Variants in RBFOX1 observed in about 807,000 individuals in gnomAD.
The protein encoded by RBFOX1 is RNA binding protein fox-1 homolog 1.
RBFOX1 carries 8 observed loss-of-function variants against 57.7 expected under a neutral mutation model. The ratio of observed to expected loss-of-function variants is 0.14; its 90% CI spans 0.08 to 0.25. The LOEUF (loss-of-function observed/expected upper bound fraction) is 0.25, where lower values mean the gene tolerates loss of function less well. RBFOX1 is among the 10% of genes least tolerant of loss of function. The pLI is 1.00. For synonymous variants in RBFOX1, 326 were observed against 222.4 expected (o/e 1.47, Z -4.15); for missense variants, 611 against 548.5 (o/e 1.11, Z -1.14).
chr16:7,185,689 C>T (rs927881510), intron 4 of RBFOX1, among the ~76,000 whole-genome samples: 1 of 152,172 alleles, frequency 6.6e-6, no homozygotes, highest in African/African-American at 2.4e-5. Flanking sequence ...GGTTTATCTT[C>T]AAAGGCACTC....
chr16:5,595,076 G>A (rs191325991), intron 2 of RBFOX1, among the ~76,000 whole-genome samples: 23 of 152,130 alleles, frequency 1.5e-4, no homozygotes, highest in African/African-American at 5.1e-4. Context: ...AACCTGGGAG[G>A]TGGAGGTTGT....
chr16:6,391,381 G>A (rs939835886), intron 2 of RBFOX1, among the ~76,000 whole-genome samples: 4 of 151,956 alleles, frequency 2.6e-5, no homozygotes, highest in East Asian at 1.9e-4. Flanking sequence ...ATGGCGGCGG[G>A]CACCTGTAGT....
At chr16:7,689,247 A>G (rs902410360) in intron 14 of RBFOX1, among the ~76,000 whole-genome samples, 1 of 152,044 alleles carries the variant, frequency 6.6e-6, no homozygotes, top group African/African-American at 2.4e-5. Flanking sequence ...CAATTTGGCC[A>G]TTTCATCATT....
chr16:5,738,861 G>T (rs1167500591), intron 3 of RBFOX1, among the ~76,000 whole-genome samples: 1 of 152,078 alleles, frequency 6.6e-6, no homozygotes, highest in Non-Finnish European at 1.5e-5. Context: ...ACCTTAGCTA[G>T]AGGGGTTTCC....
intron 2 of RBFOX1, among the ~76,000 whole-genome samples, chr16:5,539,979 A>G (rs2044865237): frequency 6.6e-6 from 1 of 152,220 alleles, no homozygotes; most frequent in Non-Finnish European, 1.5e-5. Context: ...TGGAAAAAGT[A>G]CATTTTAGCA....
chr16:7,464,754 T>C (rs193166305), intron 4 of RBFOX1, among the ~76,000 whole-genome samples: 7 of 135,932 alleles, frequency 5.1e-5, no homozygotes, highest in Admixed American at 2.6e-4. Context: ...TGGAGTGCAG[T>C]CGCGTGATCT....
intron 4 of RBFOX1, among the ~76,000 whole-genome samples, chr16:7,192,082 T>C (rs972992975): frequency 6.6e-6 from 1 of 152,102 alleles, no homozygotes; most frequent in Admixed American, 6.6e-5. Flanking sequence ...TACGAGCTGT[T>C]TTCAAAACCA....
At chr16:6,025,698 G>C (rs1171484673) in intron 1 of RBFOX1, among the ~76,000 whole-genome samples, 1 of 152,160 alleles carries the variant, frequency 6.6e-6, no homozygotes, top group Non-Finnish European at 1.5e-5. Flanking sequence ...GGTAATAACA[G>C]ATATTGACAG....
chr16:5,769,508 C>A (rs1256930502), intron 3 of RBFOX1, among the ~76,000 whole-genome samples: 1 of 150,704 alleles, frequency 6.6e-6, no homozygotes, highest in East Asian at 1.9e-4. Flanking sequence ...AAAAAATTAG[C>A]TAGGTATGGT....
chr16:6,096,637 G>T (rs553159485), intron 1 of RBFOX1, among the ~76,000 whole-genome samples: 75 of 152,120 alleles, frequency 4.9e-4, no homozygotes, highest in Non-Finnish European at 9.4e-4. Context: ...CTTTTCATTG[G>T]GTTTGATACA....
At chr16:7,000,961 T>C (rs1196327932) in intron 3 of RBFOX1, among the ~76,000 whole-genome samples, 1 of 152,162 alleles carries the variant, frequency 6.6e-6, no homozygotes, top group Non-Finnish European at 1.5e-5. Flanking sequence ...TTTTCTTTAT[T>C]GAAGTCCTTT....
intron 2 of RBFOX1, among the ~76,000 whole-genome samples, chr16:6,544,385 C>G (rs2096866482): frequency 6.6e-6 from 1 of 152,178 alleles, no homozygotes; most frequent in African/African-American, 2.4e-5. Flanking sequence ...CTGAGGAACA[C>G]CTGGCAAACA....
intron 1 of RBFOX1, among the ~76,000 whole-genome samples, chr16:5,455,016 T>TC (rs1491529479): frequency 9.2e-5 from 11 of 119,138 alleles, no homozygotes; most frequent in African/African-American, 3.2e-4. Flanking sequence ...TCTTTCTTTC[T>TC]TTCTTTCTCT....
intron 3 of RBFOX1, among the ~76,000 whole-genome samples, chr16:6,851,905 C>T (rs997802533): frequency 8.7e-5 from 13 of 149,262 alleles, no homozygotes; most frequent in East Asian, 6.0e-4. Flanking sequence ...TTGGAGAGTA[C>T]GGTGTATTAG....
At chr16:6,399,947 G>A (rs1461234150) in intron 2 of RBFOX1, among the ~76,000 whole-genome samples, 3 of 152,078 alleles carry the variant, frequency 2.0e-5, no homozygotes, top group African/African-American at 2.4e-5. Flanking sequence ...CCACTATCAC[G>A]AGTACAGCAT....
At chr16:6,837,772 T>C (rs757278363) in intron 3 of RBFOX1, among the ~76,000 whole-genome samples, 5 of 152,212 alleles carry the variant, frequency 3.3e-5, no homozygotes, top group Non-Finnish European at 5.9e-5. Flanking sequence ...ATAATTGTCA[T>C]TATTACAATC....
chr16:6,737,495 A>T (rs1052147461), intron 3 of RBFOX1, among the ~76,000 whole-genome samples: 1 of 152,216 alleles, frequency 6.6e-6, no homozygotes, highest in African/African-American at 2.4e-5. Flanking sequence ...CAGATGGCCA[A>T]AACAGCTACT....
intron 2 of RBFOX1, among the ~76,000 whole-genome samples, chr16:6,617,804 CT>C (rs2098165588): frequency 1.3e-5 from 2 of 152,080 alleles, no homozygotes; most frequent in Non-Finnish European, 2.9e-5. Context: ...CAGCAATTTT[CT>C]TTTATTTAGG....
At chr16:7,220,680 G>T (rs546727362) in intron 4 of RBFOX1, among the ~76,000 whole-genome samples, 8 of 152,302 alleles carry the variant, frequency 5.3e-5, no homozygotes, top group Admixed American at 2.6e-4. Flanking sequence ...GGGGATGGCA[G>T]TATTTCTCTG....
Sources: allele counts gnomAD v4.1 joint callset (sites outside exome capture counted in the v4.1 genomes callset), GRCh38; gene constraint gnomAD v4.1.1; transcripts MANE v1.5; gene names NCBI Gene and HGNC (gene_info 2026-07-23, HGNC 2026-07-21).